Variants in ORC4 observed in about 807,000 individuals in gnomAD.
The protein encoded by ORC4 is origin recognition complex, subunit 4 homolog.
A neutral mutation model predicts 63.9 loss-of-function variants in ORC4; 55 were observed. The ratio of observed to expected loss-of-function variants is 0.86; its 90% confidence interval spans 0.69 to 1.08. The LOEUF (loss-of-function observed/expected upper bound fraction) is 1.08. Among genes scored for constraint, ORC4 ranks in the 50% least tolerant of loss-of-function variants. ORC4 has a pLI of 0.00. For synonymous variants in ORC4, 150 were observed against 168.5 expected, an observed-to-expected ratio of 0.89 and a Z score of 0.85; for missense variants, 511 against 504.4, an observed-to-expected ratio of 1.01 and a Z score of -0.13.
At chr2:147,973,747 T>C (rs1690363134) in intron 2 of ORC4, among the ~76,000 whole-genome samples, 1 of 152,154 alleles carries the variant, frequency 6.6e-6, no homozygotes, top group African/African-American at 2.4e-5. Context: ...AATTTAGTTG[T>C]GAAGGTTTCA....
chr2:147,943,624 ATCT>A (rs1393907729), intron 9 of ORC4, 102 bp from the exon 10 acceptor site: 1 of 682,064 alleles, frequency 1.5e-6, no homozygotes, highest in African/African-American at 1.8e-5. Flanking sequence ...TAGTAACTCT[ATCT>A]AATATTAATT....
chr2:147,984,884 A>T (rs1451027504), intron 1 of ORC4, among the ~76,000 whole-genome samples: 1 of 152,250 alleles, frequency 6.6e-6, no homozygotes, highest in Non-Finnish European at 1.5e-5. Context: ...ATGACTAAAT[A>T]ATCTCAAGAC....
At chr2:148,002,800 C>G (rs529960419) in intron 1 of ORC4, among the ~76,000 whole-genome samples, 16 of 151,978 alleles carry the variant, frequency 1.1e-4, no homozygotes, top group South Asian at 6.2e-4. Context: ...CAAAAACCCC[C>G]TCAAAAAAAT....
In ORC4 at chr2:147,997,562, G is replaced by A. The variant is rs1271440642; in HGVS notation, c.-17-21587C>T. Among the ~76,000 whole-genome samples, 4 of 152,130 alleles carry A rather than the reference G, an allele frequency of 2.6e-5. No homozygotes were observed. The South Asian group carries it at 8.3e-4, about 32-fold the overall frequency. On this transcript the variant is annotated intron_variant, in intron 1 of 13. Transcript: ENST00000392857. ...AAGCAAACAAACATATTGTTATTTT[G>A]TAAGTATTTAATATAATGAAAACAT...
chr2:147,997,226 C>G (rs910812861), intron 1 of ORC4, among the ~76,000 whole-genome samples: 1 of 152,000 alleles, frequency 6.6e-6, no homozygotes, highest in Non-Finnish European at 1.5e-5. Context: ...TTTTAGTGAT[C>G]TTTTCACTAA....
Position 147,956,748 on chromosome 2 carries a change from C to G in ORC4, c.388-1353G>C, listed in dbSNP as rs560024117. On this transcript the variant is annotated intron_variant, in intron 6 of 13. Coordinates refer to ENST00000392857, the MANE Select transcript of ORC4 (RefSeq NM_181741.4). Reference sequence around the variant, plus strand: ...AAAACATTTTTGGGTACAACTTAAACTAATAATCTCTATATATGATAATAA... The same window carrying G: ...AAAACATTTTTGGGTACAACTTAAAGTAATAATCTCTATATATGATAATAA... Among the ~76,000 whole-genome samples, 5 of 152,108 alleles carry G rather than the reference C, an allele frequency of 3.3e-5. No homozygotes were observed. In the East Asian group the frequency reaches 9.6e-4, roughly 29 times the overall value.
chr2:148,000,328 T>C (rs1274839847), intron 1 of ORC4, among the ~76,000 whole-genome samples: 1 of 152,116 alleles, frequency 6.6e-6, no homozygotes, highest in Non-Finnish European at 1.5e-5. Flanking sequence ...AGTTTCAAAA[T>C]GAGATCGTAT....
rs79692362 is a variant in ORC4 at position 148,014,918 on chromosome 2, G to A, written c.-18+5715C>T. Among the ~76,000 whole-genome samples the A allele has an allele frequency of 8.2e-4, 124 of 152,140 alleles. No homozygotes were observed. The East Asian group carries it at 0.016, about 19-fold the overall frequency. ...AAACCAATTTCCAGCAGATACTAAGGAGCAACTATACTAGGCCAATAAAAG... is the reference window on the plus strand; with the variant it reads ...AAACCAATTTCCAGCAGATACTAAGAAGCAACTATACTAGGCCAATAAAAG... On this transcript the variant is annotated intron_variant, in intron 1 of 13. Transcript: ENST00000392857.
chr2:148,013,339 C>A (rs1693086508), intron 1 of ORC4, among the ~76,000 whole-genome samples: 1 of 152,084 alleles, frequency 6.6e-6, no homozygotes, highest in South Asian at 2.1e-4. Context: ...ACAAGTATCA[C>A]ATGTTCTCAC....
intron 2 of ORC4, 124 bp downstream of exon 2, chr2:147,975,778 C>T (rs2105356843): frequency 1.4e-6 from 1 of 727,814 alleles, no homozygotes; most frequent in Non-Finnish European, 2.5e-6. Context: ...TGATATCTCC[C>T]TAAGGTTAGA....
intron 4 of ORC4, among the ~76,000 whole-genome samples, chr2:147,971,236 A>G (rs879207682): frequency 1.2e-4 from 19 of 152,118 alleles, no homozygotes; most frequent in Admixed American, 2.0e-4. Context: ...AAAAATAAAT[A>G]AATAAATAAA....
At chr2:147,956,259 ATGT>A (rs1689245094) in intron 6 of ORC4, among the ~76,000 whole-genome samples, 1 of 152,056 alleles carries the variant, frequency 6.6e-6, no homozygotes, top group East Asian at 1.9e-4. Flanking sequence ...ACATATTGTG[ATGT>A]TGTTATGCTA....
chr2:147,950,549 G>A (rs1412095383), intron 8 of ORC4, among the ~76,000 whole-genome samples: 1 of 151,948 alleles, frequency 6.6e-6, no homozygotes, highest in African/African-American at 2.4e-5. Flanking sequence ...GGTAGATCAC[G>A]AGGTCAGGAG....
chr2:147,938,318 T>G lies in ORC4; in HGVS notation c.1034A>C (p.Asn345Thr). The stretch of plus-strand genomic sequence containing the variant: ...CTCACCATTATAGACCATTTGAAAA[T>G]TAAATGGCTCTTCCTCATAGATGTC... ...LNDIYEEEPF[N>T]FQMVYNEFQK... The change falls in exon 12 of 14, where the codon AAT becomes ACT. Residue 345 changes from asparagine (N) to threonine (T), a missense_variant. Physicochemically the swap from Asn to Thr is moderately conservative, Grantham distance 65. Transcript: ENST00000392857. 6.2e-7 allele frequency: 1 copy of G among 1,607,984 alleles called. No homozygotes were observed. Among genetic ancestry groups the G allele is most frequent in the Non-Finnish European group, 8.5e-7 (1 of 1,175,356 alleles).
intron 4 of ORC4, among the ~76,000 whole-genome samples, chr2:147,970,533 C>T (rs1341936056): frequency 6.7e-6 from 1 of 149,210 alleles, no homozygotes; most frequent in African/African-American, 2.5e-5. Context: ...ACCACATAAA[C>T]ATAGTCAACT....
intron 4 of ORC4, among the ~76,000 whole-genome samples, chr2:147,965,141 G>C (rs1009331153): frequency 6.6e-6 from 1 of 152,050 alleles, no homozygotes; most frequent in Non-Finnish European, 1.5e-5. Context: ...TGGTACTGCG[G>C]ATACATAAAG....
intron 4 of ORC4, among the ~76,000 whole-genome samples, chr2:147,959,765 C>G (rs925088707): frequency 4.6e-5 from 7 of 152,088 alleles, no homozygotes; most frequent in Admixed American, 3.9e-4. Context: ...ATAGGGAATT[C>G]CAGGTCCTCT....
At position 147,975,828 on chromosome 2, in the gene ORC4, T is replaced by C; in HGVS notation, c.57+74A>G. The C allele has an allele frequency of 3.3e-6, 3 of 903,164 alleles. No homozygotes were observed. The South Asian group carries it at 3.9e-5, about 12-fold the overall frequency. The allele number at this position is 903,164 out of a possible 1,614,324, so 55.9% of individuals were successfully genotyped here. ...CTAAATGCTAAAGGGAAAATTCAGGTTAAGAAGATAACTATTTCTCTGAAC... is the reference window on the plus strand; with the variant it reads ...CTAAATGCTAAAGGGAAAATTCAGGCTAAGAAGATAACTATTTCTCTGAAC... On this transcript the variant is annotated intron_variant, in intron 2 of 13. Transcript: ENST00000392857.
At chr2:147,965,960 CTT>C (rs1689868795) in intron 4 of ORC4, among the ~76,000 whole-genome samples, 1 of 152,162 alleles carries the variant, frequency 6.6e-6, no homozygotes, top group Admixed American at 6.5e-5. Context: ...AACCCCAACA[CTT>C]TGAGACGCCA....
Sources: allele counts gnomAD v4.1 joint callset (sites outside exome capture counted in the v4.1 genomes callset), GRCh38; gene constraint gnomAD v4.1.1; transcripts MANE v1.5; gene names NCBI Gene and HGNC (gene_info 2026-07-23, HGNC 2026-07-21).